NDRG3: variants seen among roughly 807,000 people sequenced by gnomAD.
NDRG3 encodes NDRG family member 3.
NDRG3 carries 23 observed loss-of-function variants against 57.2 expected under a neutral mutation model. That is an observed-to-expected ratio of 0.40 (90% CI 0.29 to 0.57). NDRG3 has a LOEUF of 0.57. Ranked by LOEUF, NDRG3 falls within the 20% of genes least tolerant of loss-of-function variation. The pLI is 0.42. For synonymous variants in NDRG3, 132 were observed against 162.6 expected, an observed-to-expected ratio of 0.81 and a Z score of 1.43; for missense variants, 384 against 457.3, an observed-to-expected ratio of 0.84 and a Z score of 1.46.
Position 36,684,401 on chromosome 20 carries a change from G to C in NDRG3, c.383+12C>G, listed in dbSNP as rs781248295. ...AATAAAAACTGCATGAAAGACTGCA[G>C]AATGAACCTACCTTAGGTGGGTAAG... is the stretch of plus-strand genomic sequence containing the variant. On this transcript the variant is annotated intron_variant, in intron 6 of 15. Transcript: ENST00000349004. 6 of 1,611,324 alleles carry C rather than the reference G, an allele frequency of 3.7e-6. No homozygotes were observed. Among genetic ancestry groups the C allele is most frequent in the South Asian group, 1.1e-5 (1 of 91,022 alleles).
chr20:36,729,776 C>T (rs1030114582), intron 1 of NDRG3, among the ~76,000 whole-genome samples: 9 of 152,038 alleles, frequency 5.9e-5, no homozygotes, highest in East Asian at 1.9e-4. Flanking sequence ...GATCCACCCA[C>T]GTCAGCCTCC....
chr20:36,665,773 AT>A (rs1268104188), intron 10 of NDRG3, among the ~76,000 whole-genome samples: 1 of 151,904 alleles, frequency 6.6e-6, no homozygotes, highest in Non-Finnish European at 1.5e-5. Flanking sequence ...TAATTTTTGT[AT>A]TTTTGTAGAG....
At chr20:36,727,652 C>G (rs1034125531) in intron 1 of NDRG3, among the ~76,000 whole-genome samples, 5 of 152,032 alleles carry the variant, frequency 3.3e-5, no homozygotes, top group Non-Finnish European at 5.9e-5. Context: ...CGCCATTCTC[C>G]TGCCTCAGCC....
At chr20:36,658,798 A>G (rs186244043) in intron 13 of NDRG3, among the ~76,000 whole-genome samples, 117 of 152,316 alleles carry the variant, frequency 7.7e-4, no homozygotes, top group Non-Finnish European at 1.3e-3. Flanking sequence ...GATATTTAGC[A>G]TAAGAGTTGG....
chr20:36,743,823 AC>A (rs1414670295), intron 1 of NDRG3, among the ~76,000 whole-genome samples: 2 of 151,632 alleles, frequency 1.3e-5, no homozygotes, highest in Non-Finnish European at 2.9e-5. Flanking sequence ...GTCTCAAAAA[AC>A]AAACAAAAAC....
rs1026932796 is a variant in NDRG3 at position 36,685,168 on chromosome 20, C to G, written c.321-693G>C. 2.6e-5 allele frequency among the ~76,000 whole-genome samples: 4 copies of G among 152,020 alleles called. No homozygotes were observed. In the South Asian group the frequency reaches 8.3e-4, roughly 32 times the overall value. Reference sequence around the variant, plus strand: ...TCAGAAAGGGGGTCTTGGTCTACTGCTATATTTAGGCAACTAAATGCAAAA... The same window carrying G: ...TCAGAAAGGGGGTCTTGGTCTACTGGTATATTTAGGCAACTAAATGCAAAA... On this transcript the variant is annotated intron_variant, in intron 5 of 15. Transcript: ENST00000349004.
intron 2 of NDRG3, among the ~76,000 whole-genome samples, chr20:36,712,032 GT>G (rs1983914141): frequency 6.6e-6 from 1 of 152,040 alleles, no homozygotes; most frequent in Non-Finnish European, 1.5e-5. Context: ...GCCCACCTCG[GT>G]CTCCAAAGTG....
chr20:36,692,251 A>T (rs1982323739), intron 3 of NDRG3, among the ~76,000 whole-genome samples: 1 of 152,100 alleles, frequency 6.6e-6, no homozygotes, highest in African/African-American at 2.4e-5. Flanking sequence ...ACGGAGTCTT[A>T]CTCTATCGCC....
chr20:36,656,728 T>A (rs2148018287), intron 13 of NDRG3, among the ~76,000 whole-genome samples, 196 bp from the exon 14 acceptor site: 1 of 152,346 alleles, frequency 6.6e-6, no homozygotes, highest in African/African-American at 2.4e-5. Flanking sequence ...ACATACTTAT[T>A]TATCAATAAG....
chr20:36,745,271 T>C (rs979951368), intron 1 of NDRG3, among the ~76,000 whole-genome samples: 1 of 152,156 alleles, frequency 6.6e-6, no homozygotes, highest in Admixed American at 6.5e-5. Flanking sequence ...AATAACACTA[T>C]TATTATTACA....
chr20:36,665,270 G>A lies in NDRG3; in HGVS notation c.724C>T (p.Leu242=), dbSNP rs1406043770. The change falls in exon 11 of 16, where the codon CTG becomes TTG. Residue 242 remains leucine, a synonymous_variant. Transcript: ENST00000349004. ...RRDLEIERPI[L]GQNDNKSKTL... ...TTTGATTTGTTATCATTTTGGCCCA[G>A]TATGGGTCTTTCGATCTCCAGGTCT... 6.2e-7 allele frequency: 1 copy of A among 1,614,188 alleles called. No individual in the cohort carries two copies. The highest frequency in any genetic ancestry group is 1.1e-5 in the South Asian group (1 of 91,086).
In NDRG3 at chr20:36,710,609, T is replaced by C. The variant is rs570633762; in HGVS notation, c.58-3602A>G. Among the ~76,000 whole-genome samples the C allele has an allele frequency of 4.0e-5, 6 of 151,626 alleles. 1 individual carries two copies. In the South Asian group the frequency reaches 1.0e-3, roughly 26 times the overall value. On this transcript the variant is annotated intron_variant, in intron 2 of 15. Transcript: ENST00000349004. ...AGATCATGAGGTCAGGAGTTCAAGA[T>C]AGGATTGGCCAATATGGTGAAACAC... is the stretch of plus-strand genomic sequence containing the variant.
chr20:36,679,255 G>A (rs1981031255), intron 8 of NDRG3, among the ~76,000 whole-genome samples: 1 of 152,176 alleles, frequency 6.6e-6, no homozygotes, highest in African/African-American at 2.4e-5. Context: ...TACCATGCCT[G>A]GCCTTGGTCA....
chr20:36,669,132 A>G (rs1039956972), intron 9 of NDRG3, among the ~76,000 whole-genome samples: 2 of 151,448 alleles, frequency 1.3e-5, no homozygotes, highest in Non-Finnish European at 2.9e-5. Context: ...TCTCGGCTCA[A>G]CGCAACCTTC....
intron 8 of NDRG3, among the ~76,000 whole-genome samples, chr20:36,675,009 C>T (rs1980539661): frequency 6.8e-6 from 1 of 147,816 alleles, no homozygotes; most frequent in Admixed American, 6.9e-5. Context: ...TTCTTCCCAC[C>T]TCAGCTTACC....
Position 36,740,440 on chromosome 20 carries a change from G to A in NDRG3, c.-49+5605C>T, listed in dbSNP as rs542938229. 5.3e-5 allele frequency among the ~76,000 whole-genome samples: 8 copies of A among 151,820 alleles called. 1 individual carries two copies. The South Asian group carries it at 1.2e-3, about 24-fold the overall frequency. On this transcript the variant is annotated intron_variant, in intron 1 of 15. Coordinates refer to ENST00000349004, the MANE Select transcript of NDRG3 (RefSeq NM_032013.4). ...CGGCTCACCACAACCTCTGCCTCCCGGGTTCAAGCGATTCTCCTGCCTCGG... is the reference window on the plus strand; with the variant it reads ...CGGCTCACCACAACCTCTGCCTCCCAGGTTCAAGCGATTCTCCTGCCTCGG...
chr20:36,705,464 T>C (rs910428215), intron 3 of NDRG3, among the ~76,000 whole-genome samples: 1 of 152,224 alleles, frequency 6.6e-6, no homozygotes, highest in Non-Finnish European at 1.5e-5. Context: ...TGCTTATAAA[T>C]AGTTCTTTCT....
rs76030254 is a variant in NDRG3 at position 36,680,630 on chromosome 20, C to T, written c.531+186G>A. 8.6e-3 allele frequency among the ~76,000 whole-genome samples: 1,304 copies of T among 152,238 alleles called. 11 individuals carry two copies. The highest frequency in any genetic ancestry group is 0.02 in the Middle Eastern group (6 of 294). ...AAGTATCAATTAGGAAAAGATACAA[C>T]GGAATCCCCTAGTGAGCTGGGAATA... is the stretch of plus-strand genomic sequence containing the variant. On this transcript the variant is annotated intron_variant, in intron 8 of 15. Transcript: ENST00000349004.
chr20:36,657,261 G>A (rs1255492842), intron 13 of NDRG3, among the ~76,000 whole-genome samples: 1 of 152,052 alleles, frequency 6.6e-6, no homozygotes, highest in Non-Finnish European at 1.5e-5. Context: ...CCGAGGTCGG[G>A]GGGATCACCT....
Sources: gnomAD v4.1 joint callset for allele counts (sites outside exome capture counted in the v4.1 genomes callset) on GRCh38, gnomAD v4.1.1 for gene constraint, MANE v1.5 for transcripts, NCBI Gene and HGNC (gene_info 2026-07-23, HGNC 2026-07-21) for gene names.